Variants in SNCAIP observed in about 807,000 individuals in gnomAD.
The protein encoded by SNCAIP is synuclein alpha interacting protein, also known as synphilin-1.
In SNCAIP, 43 loss-of-function variants were observed where a neutral mutation model predicts 86.7. That is an observed-to-expected ratio of 0.50 (90% confidence interval 0.39 to 0.64). SNCAIP has a LOEUF of 0.64. SNCAIP is among the 30% of genes least tolerant of loss of function. The pLI is 0.00. For missense variants in SNCAIP, 981 were observed against 1,103.1 expected, an observed-to-expected ratio of 0.89 and a Z score of 1.57; for synonymous variants, 417 against 427.2, an observed-to-expected ratio of 0.98 and a Z score of 0.29.
In SNCAIP at chr5:122,359,408, G is replaced by C. The variant is rs980138930; in HGVS notation, c.-46-31681G>C. Among the ~76,000 whole-genome samples the C allele has an allele frequency of 4.2e-4, 60 of 143,002 alleles. 1 individual carries two copies. The highest frequency in any genetic ancestry group is 1.5e-3 in the African/African-American group (58 of 38,876). 93.8% of individuals were successfully genotyped at this position (143,002 alleles called of 152,430 possible). A position where few individuals can be genotyped will look rare whatever the true frequency, so the allele number is the denominator to read the frequency against. On this transcript the variant is annotated intron_variant, in intron 1 of 10. Coordinates refer to ENST00000261368, the MANE Select transcript of SNCAIP (RefSeq NM_005460.4). ...AGACAGAGTCTTGCTCTGTCGCTCAGGCTGGAGTTCAGTGGTGCGATACCA... is the reference window on the plus strand; with the variant it reads ...AGACAGAGTCTTGCTCTGTCGCTCACGCTGGAGTTCAGTGGTGCGATACCA...
intron 3 of SNCAIP, among the ~76,000 whole-genome samples, chr5:122,406,037 A>G (rs367587859): frequency 2.6e-5 from 4 of 152,318 alleles, no homozygotes; most frequent in Middle Eastern, 6.8e-3. Flanking sequence ...GTACATTTCC[A>G]ATTTGATGGA....
At chr5:122,446,309 T>C (rs1179484895) in intron 8 of SNCAIP, among the ~76,000 whole-genome samples, 1 of 152,240 alleles carries the variant, frequency 6.6e-6, no homozygotes, top group Non-Finnish European at 1.5e-5. Flanking sequence ...CCTCAAGTAA[T>C]GTATGGACAT....
chr5:122,359,951 A>G (rs1023078462), intron 1 of SNCAIP, among the ~76,000 whole-genome samples: 1 of 152,178 alleles, frequency 6.6e-6, no homozygotes, highest in African/African-American at 2.4e-5. Flanking sequence ...CAGCTCCTCC[A>G]GAGAGAATCT....
intron 3 of SNCAIP, among the ~76,000 whole-genome samples, chr5:122,412,462 C>T (rs2152899413): frequency 6.6e-6 from 1 of 152,294 alleles, no homozygotes; most frequent in South Asian, 2.1e-4. Flanking sequence ...GAAACGGTCA[C>T]CTCTCTTGGC....
chr5:122,328,005 T>C lies in SNCAIP; in HGVS notation c.-47+15721T>C, dbSNP rs77305777. On this transcript the variant is annotated intron_variant, in intron 1 of 10. Coordinates refer to ENST00000261368, the MANE Select transcript of SNCAIP (RefSeq NM_005460.4). ...AAGTGGGTATTCACTAGGCAGAAAA[T>C]TTAGGGGACAGTGTTGGGATTAGAC... Among the ~76,000 whole-genome samples the C allele has an allele frequency of 3.6e-4, 55 of 152,142 alleles. No individual in the cohort carries two copies. The East Asian group carries it at 9.3e-3, about 26-fold the overall frequency.
intron 1 of SNCAIP, among the ~76,000 whole-genome samples, chr5:122,360,107 A>G (rs1186439264): frequency 6.6e-6 from 1 of 152,200 alleles, no homozygotes; most frequent in Non-Finnish European, 1.5e-5. Flanking sequence ...ACCTGAAACC[A>G]CTTTTCCAGC....
chr5:122,426,928 G>C (rs777410925), intron 5 of SNCAIP, among the ~76,000 whole-genome samples: 2 of 152,084 alleles, frequency 1.3e-5, no homozygotes, highest in East Asian at 3.8e-4. Flanking sequence ...CTCTTAAGGA[G>C]CTAATATTAT....
chr5:122,331,051 CT>C (rs2152696423), intron 1 of SNCAIP, among the ~76,000 whole-genome samples: 1 of 152,244 alleles, frequency 6.6e-6, no homozygotes, highest in South Asian at 2.1e-4. Flanking sequence ...TCTAATGCCA[CT>C]GCTGATCTGA....
At chr5:122,415,653 G>C (rs190256847) in intron 3 of SNCAIP, among the ~76,000 whole-genome samples, 7 of 152,320 alleles carry the variant, frequency 4.6e-5, no homozygotes, top group African/African-American at 1.2e-4. Flanking sequence ...CAGTAACTCA[G>C]AGTCCTTTGT....
chr5:122,445,645 TACACAC>T (rs55968414), intron 8 of SNCAIP, among the ~76,000 whole-genome samples: 14,825 of 143,084 alleles, frequency 0.1, 828 homozygotes, highest in Non-Finnish European at 0.13. Flanking sequence ...CTTTAAGTTT[TACACAC>T]ACACACACAC....
chr5:122,457,925 G>C (rs536781772), intron 10 of SNCAIP, among the ~76,000 whole-genome samples: 2 of 152,290 alleles, frequency 1.3e-5, no homozygotes, highest in East Asian at 3.9e-4. Flanking sequence ...TCCATGTTAT[G>C]AGAAGCCAGA....
At chr5:122,431,364 AT>A (rs1280443860) in intron 5 of SNCAIP, among the ~76,000 whole-genome samples, 1 of 152,222 alleles carries the variant, frequency 6.6e-6, no homozygotes, top group Non-Finnish European at 1.5e-5. Flanking sequence ...TCAATAAGTT[AT>A]TGGATAAATA....
intron 1 of SNCAIP, among the ~76,000 whole-genome samples, chr5:122,361,904 C>T (rs1310801408): frequency 2.0e-5 from 3 of 152,094 alleles, no homozygotes; most frequent in African/African-American, 7.2e-5. Context: ...TAAAATTGGC[C>T]AGTAATGATT....
In SNCAIP at chr5:122,431,986, C is replaced by T. The variant is rs772706842; in HGVS notation, c.1200C>T (p.Cys400=). 1.1e-5 allele frequency: 17 copies of T among 1,577,192 alleles called. No individual in the cohort carries two copies. The highest frequency in any genetic ancestry group is 6.6e-5 in the South Asian group (6 of 90,258). The change falls in exon 6 of 11, where the codon TGC becomes TGT. Residue 400 remains cysteine (C), a synonymous_variant. Coordinates refer to ENST00000261368, the MANE Select transcript of SNCAIP (RefSeq NM_005460.4). ...GLAIKNGQLE[C]VRWMVSETEA... ...AAACCTAGAATGGTCAGTTGGAGTG[C>T]GTACGCTGGATGGTGAGCGAAACAG... is the stretch of plus-strand genomic sequence containing the variant.
rs143236641 is a variant in SNCAIP, at chr5:122,332,619, G to A, written c.-47+20335G>A. On this transcript the variant is annotated intron_variant, in intron 1 of 10. Coordinates refer to ENST00000261368, the MANE Select transcript of SNCAIP (RefSeq NM_005460.4). ...ACCTAGAGCTGTAGCTAAGCTGCGG[G>A]AGAAGTTGAGAGTGACTCTGCAAAC... 1.7e-3 allele frequency among the ~76,000 whole-genome samples: 258 copies of A among 152,340 alleles called. 1 individual carries two copies. Among genetic ancestry groups the A allele is most frequent in the African/African-American group, 5.9e-3 (245 of 41,568 alleles).
chr5:122,374,537 A>G (rs1272674080), intron 1 of SNCAIP, among the ~76,000 whole-genome samples: 1 of 152,190 alleles, frequency 6.6e-6, no homozygotes, highest in Non-Finnish European at 1.5e-5. Flanking sequence ...TGGAGAGTAT[A>G]GCTAGAGTTT....
intron 10 of SNCAIP, among the ~76,000 whole-genome samples, chr5:122,454,013 C>G (rs1037398722): frequency 2.0e-5 from 3 of 152,194 alleles, no homozygotes; most frequent in African/African-American, 7.2e-5. Context: ...CCTGCCTCAG[C>G]CTTCCAAAGT....
At chr5:122,458,703 G>A (rs946211418) in intron 10 of SNCAIP, among the ~76,000 whole-genome samples, 1 of 152,150 alleles carries the variant, frequency 6.6e-6, no homozygotes, top group African/African-American at 2.4e-5. Flanking sequence ...GGGCCACTCT[G>A]CAAATATTTT....
chr5:122,444,479 A>T, intron 7 of SNCAIP, 84 bp from the exon 8 acceptor site: 1 of 1,284,652 alleles, frequency 7.8e-7, no homozygotes, highest in South Asian at 1.2e-5. Flanking sequence ...GGCTCTCTTC[A>T]TACTATTCAA....
Sources: gnomAD v4.1 joint callset for allele counts (sites outside exome capture counted in the v4.1 genomes callset) on GRCh38, gnomAD v4.1.1 for gene constraint, MANE v1.5 for transcripts, NCBI Gene and HGNC (gene_info 2026-07-23, HGNC 2026-07-21) for gene names.